RNF217: variants seen among roughly 807,000 people sequenced by gnomAD.
The protein encoded by RNF217 is ring finger protein 217.
A neutral mutation model predicts 57.8 loss-of-function variants in RNF217; 31 were observed. That is an observed-to-expected ratio of 0.54 (90% CI 0.40 to 0.72). The LOEUF is 0.72. RNF217 is among the 30% of genes least tolerant of loss of function. The probability of loss-of-function intolerance (pLI) is 0.00; values close to 1 mark genes in which losing one functional copy is unlikely to be tolerated. For synonymous variants in RNF217, 313 were observed against 294.0 expected, an observed-to-expected ratio of 1.06 and a Z score of -0.66; for missense variants, 696 against 708.3, an observed-to-expected ratio of 0.98 and a Z score of 0.20.
intron 1 of RNF217, among the ~76,000 whole-genome samples, chr6:124,963,757 C>T (rs951711752): frequency 6.6e-6 from 1 of 152,188 alleles, no homozygotes; most frequent in Non-Finnish European, 1.5e-5. Flanking sequence ...CCTCATCGGC[C>T]TGGTATCCCA....
intron 1 of RNF217, among the ~76,000 whole-genome samples, chr6:125,019,032 G>C (rs938381801): frequency 6.6e-6 from 1 of 152,142 alleles, no homozygotes; most frequent in African/African-American, 2.4e-5. Flanking sequence ...AAAGATCCTA[G>C]GTTACTGCTG....
chr6:125,032,333 G>A (rs768940616), intron 1 of RNF217, among the ~76,000 whole-genome samples: 1 of 152,118 alleles, frequency 6.6e-6, no homozygotes, highest in African/African-American at 2.4e-5. Context: ...ATTCAATTTT[G>A]ATAGGTAGAA....
chr6:125,076,755 AT>A lies in RNF217; in HGVS notation c.1386del (p.Phe462LeufsTer24). On this transcript the variant is annotated frameshift_variant, in exon 4 of 6. Coordinates refer to ENST00000521654, the MANE Select transcript of RNF217 (RefSeq NM_001286398.3). LOFTEE classifies it high-confidence loss of function. ...GTGGTGAGAGATACCGCCAGCTCCGATTTTTTGGAGACCACACATCAAACCT... is the reference window on the plus strand; with the variant it reads ...GTGGTGAGAGATACCGCCAGCTCCGATTTTTGGAGACCACACATCAAACCT... Reference protein sequence around the residue: ...RCGERYRQLRFFGDHTSNLSI... With the variant: ...RCGERYRQLRXFGDHTSNLSI... The A allele has an allele frequency of 6.2e-7, 1 of 1,613,656 alleles. No individual in the cohort carries two copies. Among genetic ancestry groups the A allele is most frequent in the Non-Finnish European group, 8.5e-7 (1 of 1,179,730 alleles).
At chr6:125,013,679 A>G (rs1053944884) in intron 1 of RNF217, among the ~76,000 whole-genome samples, 1 of 152,176 alleles carries the variant, frequency 6.6e-6, no homozygotes, top group Non-Finnish European at 1.5e-5. Flanking sequence ...GAATTCTGAG[A>G]AAATGGATAT....
At chr6:125,033,237 A>G (rs911358121) in intron 1 of RNF217, among the ~76,000 whole-genome samples, 10 of 149,240 alleles carry the variant, frequency 6.7e-5, no homozygotes, top group African/African-American at 2.5e-4. Flanking sequence ...GTACATGTGC[A>G]CAATGTGCAG....
chr6:125,045,026 G>T (rs957694324), intron 1 of RNF217, among the ~76,000 whole-genome samples, 185 bp from the exon 2 acceptor site: 6 of 151,920 alleles, frequency 3.9e-5, no homozygotes, highest in African/African-American at 1.5e-4. Context: ...GAAACATTAC[G>T]TAGTGATTAT....
chr6:125,034,594 T>C (rs1166433638), intron 1 of RNF217, among the ~76,000 whole-genome samples: 1 of 152,202 alleles, frequency 6.6e-6, no homozygotes, highest in Non-Finnish European at 1.5e-5. Context: ...TTTTGGTTAC[T>C]GTAGCCTTGT....
chr6:125,007,368 C>T (rs1562464795), intron 1 of RNF217, among the ~76,000 whole-genome samples: 1 of 151,840 alleles, frequency 6.6e-6, no homozygotes, highest in Non-Finnish European at 1.5e-5. Flanking sequence ...GCCTCAGCCT[C>T]CCAAGTAGCT....
chr6:125,053,059 T>C (rs141899863), intron 2 of RNF217, among the ~76,000 whole-genome samples: 1 of 152,210 alleles, frequency 6.6e-6, no homozygotes, highest in East Asian at 1.9e-4. Context: ...CTCTGTGTGG[T>C]GGCTCAGGAT....
intron 1 of RNF217, among the ~76,000 whole-genome samples, chr6:125,023,065 A>T: frequency 6.6e-6 from 1 of 152,158 alleles, no homozygotes; most frequent in Admixed American, 6.5e-5. Context: ...ATTTTGCTAG[A>T]ATAGGATAAG....
intron 5 of RNF217, chr6:125,082,328 A>C (rs547624720): frequency 1.1e-4 from 112 of 998,288 alleles, no homozygotes; most frequent in Non-Finnish European, 1.4e-4. Flanking sequence ...TCGTATGTCA[A>C]CTTGGGTTTA....
chr6:124,996,907 G>A (rs942370501), intron 1 of RNF217, among the ~76,000 whole-genome samples: 1 of 152,104 alleles, frequency 6.6e-6, no homozygotes, highest in African/African-American at 2.4e-5. Context: ...GAAAGTTGGA[G>A]TATAAAAATG....
intron 3 of RNF217, among the ~76,000 whole-genome samples, chr6:125,075,656 A>C (rs913372304): frequency 6.6e-6 from 1 of 152,190 alleles, no homozygotes; most frequent in Admixed American, 6.6e-5. Context: ...TTAGGTGGGA[A>C]TACAGAGCCA....
intron 1 of RNF217, among the ~76,000 whole-genome samples, chr6:124,997,630 C>T (rs1009014236): frequency 4.6e-5 from 7 of 152,134 alleles, no homozygotes; most frequent in Admixed American, 1.3e-4. Context: ...AAACATCTGA[C>T]GCATTGAGCA....
intron 1 of RNF217, among the ~76,000 whole-genome samples, chr6:125,031,408 T>C (rs1229238557): frequency 6.6e-6 from 1 of 152,230 alleles, no homozygotes; most frequent in African/African-American, 2.4e-5. Flanking sequence ...TTTCCAAACA[T>C]TTACGCTGTT....
chr6:124,985,169 G>C (rs370087658), intron 1 of RNF217, among the ~76,000 whole-genome samples: 2 of 152,312 alleles, frequency 1.3e-5, no homozygotes, highest in South Asian at 4.1e-4. Context: ...ACCAAGTGCT[G>C]GTTAGGATAG....
At chr6:125,044,819 TA>T (rs1310425266) in intron 1 of RNF217, among the ~76,000 whole-genome samples, 1 of 152,104 alleles carries the variant, frequency 6.6e-6, no homozygotes, top group Non-Finnish European at 1.5e-5. Flanking sequence ...AAACACCTTT[TA>T]TTTGGCATGT....
intron 1 of RNF217, among the ~76,000 whole-genome samples, chr6:124,994,433 A>G (rs1784673720): frequency 6.6e-6 from 1 of 152,164 alleles, no homozygotes; most frequent in Non-Finnish European, 1.5e-5. Context: ...TCATTTCTTA[A>G]TATCATTATA....
chr6:125,080,030 T>C (rs558306945), intron 4 of RNF217, among the ~76,000 whole-genome samples: 1 of 152,156 alleles, frequency 6.6e-6, no homozygotes, highest in African/African-American at 2.4e-5. Flanking sequence ...AAAAAGAAAA[T>C]CAATGCTGTT....
Sources: gnomAD v4.1 joint callset for allele counts (sites outside exome capture counted in the v4.1 genomes callset) on GRCh38, gnomAD v4.1.1 for gene constraint, MANE v1.5 for transcripts, NCBI Gene and HGNC (gene_info 2026-07-23, HGNC 2026-07-21) for gene names.